Variants in OTUD7A observed in about 807,000 individuals in gnomAD.
The protein encoded by OTUD7A is OTU domain-containing protein 7A.
A neutral mutation model predicts 65.7 loss-of-function variants in OTUD7A; 12 were observed. The ratio of observed to expected loss-of-function variants is 0.18; its 90% CI spans 0.12 to 0.30. OTUD7A has a LOEUF of 0.30. Ranked by LOEUF, OTUD7A falls within the 10% of genes least tolerant of loss-of-function variation. The pLI is 1.00. For synonymous variants in OTUD7A, 641 were observed against 586.3 expected (o/e 1.09, Z -1.35); for missense variants, 1,148 against 1,304.8 (o/e 0.88, Z 1.85).
chr15:31,713,812 C>G (rs971963476), intron 1 of OTUD7A, among the ~76,000 whole-genome samples: 17 of 151,754 alleles, frequency 1.1e-4, no homozygotes, highest in African/African-American at 3.9e-4. Flanking sequence ...ACAGTCAATT[C>G]AATAGCAAAA....
chr15:31,852,307 G>A (rs1897449925), intron 1 of OTUD7A, among the ~76,000 whole-genome samples: 1 of 152,218 alleles, frequency 6.6e-6, no homozygotes. Flanking sequence ...AGTAGGCCAG[G>A]CTGAAGGGAA....
intron 3 of OTUD7A, among the ~76,000 whole-genome samples, chr15:31,588,675 A>G (rs1482443612): frequency 1.3e-5 from 2 of 152,232 alleles, no homozygotes; most frequent in Non-Finnish European, 2.9e-5. Flanking sequence ...ACAGCAGTCC[A>G]GGGTGGAGTC....
intron 8 of OTUD7A, among the ~76,000 whole-genome samples, chr15:31,515,797 C>T (rs1382876671): frequency 6.6e-6 from 1 of 150,712 alleles, no homozygotes; most frequent in Non-Finnish European, 1.5e-5. Context: ...ATCCACCTGT[C>T]CATCCACCCA....
chr15:31,483,956 C>G lies in OTUD7A; in HGVS notation c.2140G>C (p.Glu714Gln), dbSNP rs1029232760. Residue 714 changes from glutamate (E) to glutamine (Q), a missense_variant, in exon 13 of 13, where the codon GAG (glutamate) becomes CAG (glutamine). By Grantham distance (29) the Glu-to-Gln change is conservative. Around this residue, in one of 6 missense-constraint regions of OTUD7A, gnomAD observed 842 missense variants for 769.5 expected, o/e 1.09. Transcript: ENST00000307050. ...RPETEGVPVP[E>Q]RASPGPPTQL... ...GTGGGTGGGCCCGGAGAGGCGCGCT[C>G]CGGGACCGGCACGCCCTCCGTCTCC... The G allele has an allele frequency of 8.9e-7, 1 of 1,127,266 alleles. No homozygotes were observed. The highest frequency in any genetic ancestry group is 1.7e-5 in the African/African-American group (1 of 59,734). 69.8% of individuals were successfully genotyped at this position (1,127,266 alleles called of 1,614,324 possible). A position where few individuals can be genotyped will look rare whatever the true frequency, so the allele number is the denominator to read the frequency against.
chr15:31,775,178 G>A (rs1165846801), intron 1 of OTUD7A, among the ~76,000 whole-genome samples: 1 of 151,270 alleles, frequency 6.6e-6, no homozygotes, highest in Non-Finnish European at 1.5e-5. Context: ...CTTTGACTAC[G>A]CTAATCATCT....
chr15:31,511,173 G>A (rs1436386435), intron 8 of OTUD7A, among the ~76,000 whole-genome samples: 3 of 7,006 alleles, frequency 4.3e-4, no homozygotes, highest in Non-Finnish European at 6.9e-4. Context: ...ACATACATAT[G>A]TATATCTATA....
chr15:31,494,388 CAGA>C (rs1358949315), intron 10 of OTUD7A, among the ~76,000 whole-genome samples: 4 of 152,106 alleles, frequency 2.6e-5, no homozygotes, highest in Non-Finnish European at 5.9e-5. Flanking sequence ...ACACCCTTAC[CAGA>C]CTCCAAATCT....
At chr15:31,750,448 G>T (rs934474549) in intron 1 of OTUD7A, among the ~76,000 whole-genome samples, 2 of 136,140 alleles carry the variant, frequency 1.5e-5, no homozygotes, top group African/African-American at 2.7e-5. Context: ...GCAATTTACA[G>T]ATTTAACACT....
chr15:31,602,717 C>T (rs907139541), intron 3 of OTUD7A, among the ~76,000 whole-genome samples: 7 of 152,160 alleles, frequency 4.6e-5, no homozygotes, highest in Non-Finnish European at 7.4e-5. Flanking sequence ...ACCATTTCAG[C>T]CCTAAATCTC....
chr15:31,763,520 T>A (rs771557865), intron 1 of OTUD7A, among the ~76,000 whole-genome samples: 10 of 151,448 alleles, frequency 6.6e-5, no homozygotes, highest in Non-Finnish European at 1.2e-4. Flanking sequence ...ATGAAAAAAA[T>A]TAAGAGACTC....
intron 1 of OTUD7A, among the ~76,000 whole-genome samples, chr15:31,799,194 T>G (rs1297151858): frequency 6.6e-6 from 1 of 152,136 alleles, no homozygotes; most frequent in Non-Finnish European, 1.5e-5. Context: ...CACCTGGACA[T>G]GAACAGTGGG....
chr15:31,786,467 CTG>C (rs1895677376), intron 1 of OTUD7A, among the ~76,000 whole-genome samples: 1 of 152,146 alleles, frequency 6.6e-6, no homozygotes, highest in Non-Finnish European at 1.5e-5. Flanking sequence ...TGTGGCACGT[CTG>C]TGTGTGAGAC....
At chr15:31,573,255 C>T (rs547526530) in intron 3 of OTUD7A, among the ~76,000 whole-genome samples, 3 of 152,312 alleles carry the variant, frequency 2.0e-5, no homozygotes, top group Admixed American at 2.0e-4. Context: ...AAGCTTTATG[C>T]CCATCCAGTC....
At chr15:31,630,870 C>G (rs368582058) in intron 3 of OTUD7A, among the ~76,000 whole-genome samples, 3 of 152,258 alleles carry the variant, frequency 2.0e-5, no homozygotes, top group Admixed American at 2.0e-4. Context: ...TTGATCTTTG[C>G]TGGTTTAAAG....
chr15:31,838,567 T>G (rs1359485857), intron 1 of OTUD7A, among the ~76,000 whole-genome samples: 1 of 152,102 alleles, frequency 6.6e-6, no homozygotes, highest in Admixed American at 6.6e-5. Context: ...TCCCAACTGA[T>G]CTCAGGCTAC....
chr15:31,837,078 T>C (rs912891230), intron 1 of OTUD7A, among the ~76,000 whole-genome samples: 1 of 152,120 alleles, frequency 6.6e-6, no homozygotes, highest in African/African-American at 2.4e-5. Context: ...ATAGTCTACA[T>C]AGAAAATAAT....
chr15:31,508,561 C>A (rs1473836464), intron 8 of OTUD7A, among the ~76,000 whole-genome samples: 1 of 152,186 alleles, frequency 6.6e-6, no homozygotes, highest in Non-Finnish European at 1.5e-5. Context: ...ACTGTGTTAG[C>A]CAGGATGGTC....
intron 3 of OTUD7A, among the ~76,000 whole-genome samples, chr15:31,646,345 A>C (rs895554251): frequency 6.6e-6 from 1 of 152,208 alleles, no homozygotes; most frequent in African/African-American, 2.4e-5. Context: ...ACAGACACCA[A>C]GAAAGACGCT....
At chr15:31,576,012 A>G (rs1269550479) in intron 3 of OTUD7A, among the ~76,000 whole-genome samples, 1 of 152,240 alleles carries the variant, frequency 6.6e-6, no homozygotes, top group Non-Finnish European at 1.5e-5. Flanking sequence ...AGAAATGTAC[A>G]CAATGTGAAA....
Sources: gnomAD v4.1 joint callset for allele counts (sites outside exome capture counted in the v4.1 genomes callset) on GRCh38, gnomAD v4.1.1 for gene constraint, gnomAD v4.1.1 regional missense constraint, MANE v1.5 for transcripts, NCBI Gene and HGNC (gene_info 2026-07-23, HGNC 2026-07-21) for gene names.